The following CMSS1 variants were observed in gnomAD, a reference collection of about 807,000 sequenced individuals.
CMSS1 encodes the protein protein CMSS1.
A neutral mutation model predicts 43.5 loss-of-function variants in CMSS1; 33 were observed. The ratio of observed to expected loss-of-function variants is 0.76; its 90% confidence interval spans 0.57 to 1.01. The LOEUF (loss-of-function observed/expected upper bound fraction) is 1.01, where lower values mean the gene tolerates loss of function less well. Ranked by LOEUF, CMSS1 falls within the 50% of genes least tolerant of loss-of-function variation. The probability of loss-of-function intolerance (pLI) is 0.00; values close to 1 mark genes in which losing one functional copy is unlikely to be tolerated. For synonymous variants in CMSS1, 115 were observed against 117.2 expected (o/e 0.98, Z 0.12); for missense variants, 313 against 326.4 (o/e 0.96, Z 0.32).
chr3:99,963,440 A>G (rs1708552319), intron 1 of CMSS1, among the ~76,000 whole-genome samples: 1 of 152,302 alleles, frequency 6.6e-6, no homozygotes, highest in Middle Eastern at 3.4e-3. Context: ...GCACAGAAGT[A>G]AGGGGCTGAC....
chr3:100,042,063 C>A (rs1404034589), intron 1 of CMSS1, among the ~76,000 whole-genome samples: 1 of 152,088 alleles, frequency 6.6e-6, no homozygotes, highest in Non-Finnish European at 1.5e-5. Context: ...TTGCCATAAG[C>A]TCTGGATCGT....
chr3:99,837,542 T>C (rs552341735), intron 1 of CMSS1, among the ~76,000 whole-genome samples: 1 of 152,262 alleles, frequency 6.6e-6, no homozygotes, highest in East Asian at 1.9e-4. Flanking sequence ...TGCAGATTAT[T>C]GTATTGTGAG....
intron 1 of CMSS1, among the ~76,000 whole-genome samples, chr3:100,120,398 T>C (rs1248877123): frequency 6.6e-6 from 1 of 152,206 alleles, no homozygotes; most frequent in African/African-American, 2.4e-5. Context: ...ACATCTCAGA[T>C]TGGACCAGTG....
chr3:100,108,465 G>A (rs2066431303), intron 1 of CMSS1, among the ~76,000 whole-genome samples: 1 of 152,140 alleles, frequency 6.6e-6, no homozygotes, highest in South Asian at 2.1e-4. Context: ...GTAACTTGTT[G>A]AGGAACACAC....
chr3:99,818,310 G>C (rs1942362885), intron 1 of CMSS1, among the ~76,000 whole-genome samples: 1 of 152,204 alleles, frequency 6.6e-6, no homozygotes, highest in African/African-American at 2.4e-5. Context: ...GAATGGATAA[G>C]ACAGTTTTTG....
intron 1 of CMSS1, among the ~76,000 whole-genome samples, chr3:100,000,701 C>T (rs955472642): frequency 3.9e-5 from 6 of 152,144 alleles, no homozygotes; most frequent in Admixed American, 2.6e-4. Context: ...GGCGATAGCG[C>T]AAGACTCTGT....
intron 1 of CMSS1, among the ~76,000 whole-genome samples, chr3:99,917,822 T>A (rs1707000192): frequency 6.6e-6 from 1 of 152,212 alleles, no homozygotes; most frequent in Non-Finnish European, 1.5e-5. Flanking sequence ...TCACTGTCAT[T>A]CTCACTGACC....
chr3:100,116,802 AT>A (rs1675763472), intron 1 of CMSS1, among the ~76,000 whole-genome samples: 4 of 152,258 alleles, frequency 2.6e-5, no homozygotes, highest in Admixed American at 1.3e-4. Context: ...CAGAATACTT[AT>A]GTATTTGCTC....
At position 99,952,542 on chromosome 3, in the gene CMSS1, A is replaced by G. The variant is rs142748481; in HGVS notation, c.64+134499A>G. On this transcript the variant is annotated intron_variant, in intron 1 of 9. Transcript: ENST00000421999. ...GTGGAATAGAAGCCACAAGGAATGG[A>G]TCATTTACATTCTCAGTTTATTAAA... 4.6e-3 allele frequency among the ~76,000 whole-genome samples: 696 copies of G among 152,286 alleles called. 2 individuals are homozygous for G. The highest frequency in any genetic ancestry group is 7.1e-3 in the South Asian group (34 of 4,820).
intron 1 of CMSS1, among the ~76,000 whole-genome samples, chr3:99,843,354 A>T (rs1258338359): frequency 6.6e-6 from 1 of 152,180 alleles, no homozygotes; most frequent in Non-Finnish European, 1.5e-5. Context: ...CACCCAATAA[A>T]ATGGAAGTTT....
intron 1 of CMSS1, among the ~76,000 whole-genome samples, chr3:99,951,418 T>C (rs1368648672): frequency 1.3e-5 from 2 of 152,192 alleles, no homozygotes; most frequent in Non-Finnish European, 2.9e-5. Flanking sequence ...TAGTATGTAC[T>C]CTGTCGAATG....
intron 1 of CMSS1, chr3:100,023,561 A>T (rs1384729353): frequency 1.3e-5 from 2 of 152,748 alleles, no homozygotes; most frequent in Middle Eastern, 6.8e-3. Flanking sequence ...TTGGGGGGAG[A>T]GAACATTTTT....
At chr3:100,039,056 G>T (rs1017063655) in intron 1 of CMSS1, among the ~76,000 whole-genome samples, 4 of 151,972 alleles carry the variant, frequency 2.6e-5, no homozygotes, top group Non-Finnish European at 5.9e-5. Context: ...AACAGATGTT[G>T]GAAAAACTCC....
intron 1 of CMSS1, among the ~76,000 whole-genome samples, chr3:99,999,370 G>A (rs939249209): frequency 6.6e-6 from 1 of 152,236 alleles, no homozygotes; most frequent in Non-Finnish European, 1.5e-5. Context: ...AGAGTCATAA[G>A]TATAGAGTTG....
intron 6 of CMSS1, 124 bp from the exon 7 acceptor site, chr3:100,171,715 A>C (rs975151226): frequency 2.7e-6 from 2 of 737,104 alleles, no homozygotes; most frequent in South Asian, 1.6e-5. Context: ...TTGTATGTAC[A>C]TATGCACATA....
chr3:99,817,972 G>C lies in CMSS1; in HGVS notation c.-8G>C. On this transcript the variant is annotated 5_prime_UTR_variant, in exon 1 of 10. Coordinates refer to ENST00000421999, the MANE Select transcript of CMSS1 (RefSeq NM_032359.4). ...TGATGTTCTGCCCACGTCGAGACCT[G>C]AGCTGAAATGGCAGACGATCTCGGA... is the stretch of plus-strand genomic sequence containing the variant. The C allele has an allele frequency of 6.2e-7, 1 of 1,614,018 alleles. No individual in the cohort carries two copies. The highest frequency in any genetic ancestry group is 8.5e-7 in the Non-Finnish European group (1 of 1,179,968).
At chr3:99,919,872 T>C (rs1707069418) in intron 1 of CMSS1, among the ~76,000 whole-genome samples, 2 of 152,230 alleles carry the variant, frequency 1.3e-5, no homozygotes, top group South Asian at 2.1e-4. Context: ...CACTTGAAGC[T>C]GGACACCTGG....
Position 99,844,574 on chromosome 3 carries a change from A to T in CMSS1, c.64+26531A>T, listed in dbSNP as rs1576504093. 2.6e-5 allele frequency among the ~76,000 whole-genome samples: 4 copies of T among 152,334 alleles called. No individual in the cohort carries two copies. In the South Asian group the frequency reaches 6.2e-4, roughly 24 times the overall value. ...TCAAAGAAGCTACTAAAACGTTTTTATTGGGAGTTTTACTTCAACCAGTAA... is the reference window on the plus strand; with the variant it reads ...TCAAAGAAGCTACTAAAACGTTTTTTTTGGGAGTTTTACTTCAACCAGTAA... On this transcript the variant is annotated intron_variant, in intron 1 of 9. Coordinates refer to ENST00000421999, the MANE Select transcript of CMSS1 (RefSeq NM_032359.4).
intron 1 of CMSS1, among the ~76,000 whole-genome samples, chr3:99,966,274 T>G (rs1394570361): frequency 6.6e-6 from 1 of 152,098 alleles, no homozygotes; most frequent in Non-Finnish European, 1.5e-5. Context: ...GTTGAAATGG[T>G]CAACTCCAGG....
Sources: gnomAD v4.1 joint callset for allele counts (sites outside exome capture counted in the v4.1 genomes callset) on GRCh38, gnomAD v4.1.1 for gene constraint, MANE v1.5 for transcripts, NCBI Gene and HGNC (gene_info 2026-07-23, HGNC 2026-07-21) for gene names.